FOXK1: variants seen among roughly 807,000 people sequenced by gnomAD.
FOXK1 encodes the protein forkhead box protein K1.
In FOXK1, 19 loss-of-function variants were observed where a neutral mutation model predicts 51.9. The observed-to-expected ratio is 0.37, with a 90% CI of 0.26 to 0.54. The LOEUF is 0.54. FOXK1 is among the 20% of genes least tolerant of loss of function. The pLI, the probability that FOXK1 is intolerant of heterozygous loss-of-function variation, is 0.87. For missense variants in FOXK1, 870 were observed against 1,032.7 expected (o/e 0.84, Z 2.16); for synonymous variants, 537 against 482.6 (o/e 1.11, Z -1.48).
intron 1 of FOXK1, among the ~76,000 whole-genome samples, chr7:4,726,493 G>A (rs756423726): frequency 2.0e-5 from 3 of 152,158 alleles, no homozygotes; most frequent in South Asian, 2.1e-4. Flanking sequence ...ACAGTGGCAC[G>A]TGCCTGTAGT....
intron 2 of FOXK1, among the ~76,000 whole-genome samples, chr7:4,751,265 C>T (rs1287520049): frequency 6.7e-6 from 1 of 149,924 alleles, no homozygotes; most frequent in African/African-American, 2.5e-5. Flanking sequence ...ATGATCCACC[C>T]TCCTCGGGTA....
intron 2 of FOXK1, among the ~76,000 whole-genome samples, chr7:4,750,432 G>C (rs762032216): frequency 6.6e-5 from 10 of 151,478 alleles, no homozygotes; most frequent in African/African-American, 2.4e-4. Flanking sequence ...CGTGTATGCC[G>C]TCGTTTTCAG....
intron 1 of FOXK1, among the ~76,000 whole-genome samples, chr7:4,701,656 G>T (rs145382028): frequency 6.6e-6 from 1 of 152,184 alleles, no homozygotes; most frequent in African/African-American, 2.4e-5. Context: ...ACTTTGGGAG[G>T]TCGAGGCGGG....
intron 1 of FOXK1, among the ~76,000 whole-genome samples, chr7:4,710,650 A>G (rs1197831571): frequency 1.3e-5 from 2 of 152,172 alleles, no homozygotes; most frequent in Non-Finnish European, 2.9e-5. Context: ...AGCCGGGTGT[A>G]TGGCCTTCTG....
rs193150303 is a variant in FOXK1 at position 4,740,905 on chromosome 7, G to A, written c.628G>A (p.Ala210Thr). ...CACGTCGCTCTATCACAAAGAAGAG[G>A]CCCCAGCCTCCCCGCTGCGGCCACT... Reference protein sequence around the residue: ...QFTSLYHKEEAPASPLRPLYP... With the variant: ...QFTSLYHKEETPASPLRPLYP... Residue 210 changes from alanine to threonine, a missense_variant, in exon 2 of 9, where the codon GCC becomes ACC. Physicochemically the swap from Ala to Thr is moderately conservative, Grantham distance 58. Around this residue, in one of 3 missense-constraint regions of FOXK1, gnomAD observed 399 missense variants for 475.6 expected, o/e 0.84. Transcript: ENST00000328914. 1.1e-5 allele frequency: 17 copies of A among 1,589,228 alleles called. No individual in the cohort carries two copies. The highest frequency in any genetic ancestry group is 1.5e-5 in the Non-Finnish European group (17 of 1,169,424).
intron 1 of FOXK1, among the ~76,000 whole-genome samples, chr7:4,726,937 C>T (rs1399068758): frequency 1.3e-5 from 2 of 152,070 alleles, no homozygotes; most frequent in Non-Finnish European, 2.9e-5. Flanking sequence ...TAGTTGTCAA[C>T]TACTAATTTT....
At chr7:4,695,143 A>G (rs1779936469) in intron 1 of FOXK1, among the ~76,000 whole-genome samples, 1 of 152,244 alleles carries the variant, frequency 6.6e-6, no homozygotes, top group Non-Finnish European at 1.5e-5. Context: ...GGATGGAGCC[A>G]TTCTGTCTGC....
rs1337113942 is a variant in FOXK1 at position 4,755,946 on chromosome 7, C to T, written c.1050+563C>T. Among the ~76,000 whole-genome samples, 3 of 152,136 alleles carry T rather than the reference C, an allele frequency of 2.0e-5. No individual in the cohort carries two copies. Among genetic ancestry groups the T allele is most frequent in the South Asian group, 2.1e-4 (1 of 4,832 alleles). Reference sequence around the variant, plus strand: ...GTGCTTGCTGTGCCTCACAATCCCACGTTAAGTTGGAAAAATGTACCATAT... The same window carrying T: ...GTGCTTGCTGTGCCTCACAATCCCATGTTAAGTTGGAAAAATGTACCATAT... On this transcript the variant is annotated intron_variant, in intron 4 of 8. Transcript: ENST00000328914. This position sits in a 1 kb window ranked among gnomAD's most constrained non-coding sequence, Gnocchi z 6.6.
At chr7:4,751,734 G>C (rs918813219) in intron 2 of FOXK1, among the ~76,000 whole-genome samples, 9 of 152,248 alleles carry the variant, frequency 5.9e-5, no homozygotes, top group Admixed American at 5.9e-4. Context: ...CCTCAGCCCA[G>C]GTGGCTGGAA....
Position 4,731,278 on chromosome 7 carries a change from CT to C in FOXK1, c.561-9559del, listed in dbSNP as rs913112113. Among the ~76,000 whole-genome samples, 8 of 152,222 alleles carry C rather than the reference CT, an allele frequency of 5.3e-5. No homozygotes were observed. Among genetic ancestry groups the C allele is most frequent in the African/African-American group, 1.9e-4 (8 of 41,450 alleles). On this transcript the variant is annotated intron_variant, in intron 1 of 8. Coordinates refer to ENST00000328914, the MANE Select transcript of FOXK1 (RefSeq NM_001037165.2). The surrounding 1 kb of genome is among the most constrained non-coding windows in gnomAD (Gnocchi z 5.3). ...CTGGGCCCTGCGGGACGTTTTCCCC[CT>C]GCCTCAGAGCCAAACCACTTAACAG... is the stretch of plus-strand genomic sequence containing the variant.
In FOXK1 at chr7:4,748,136, ACTAT is replaced by A. The variant is rs71643574; in HGVS notation, c.747-6310_747-6307del. On this transcript the variant is annotated intron_variant, in intron 2 of 8. Coordinates refer to ENST00000328914, the MANE Select transcript of FOXK1 (RefSeq NM_001037165.2). The surrounding 1 kb of genome is among the most constrained non-coding windows in gnomAD (Gnocchi z 4.9). ...TTTTCCTTTTTCAGATTACGAAGAG[ACTAT>A]CTATCTATCTATATGCATCTTACAA... Among the ~76,000 whole-genome samples the A allele has an allele frequency of 0.026, 3,953 of 152,210 alleles. 159 individuals are homozygous for A. The highest frequency in any genetic ancestry group is 0.088 in the African/African-American group (3,650 of 41,498).
At chr7:4,684,672 C>G (rs929298304) in intron 1 of FOXK1, among the ~76,000 whole-genome samples, 12 of 152,284 alleles carry the variant, frequency 7.9e-5, no homozygotes, top group African/African-American at 1.7e-4. Context: ...CCCAGGCCCC[C>G]CTTAGAGGCC....
At position 4,722,691 on chromosome 7, in the gene FOXK1, G is replaced by A. The variant is rs548554884; in HGVS notation, c.561-18147G>A. 1.5e-4 allele frequency among the ~76,000 whole-genome samples: 23 copies of A among 152,336 alleles called. No homozygotes were observed. The highest frequency in any genetic ancestry group is 4.3e-4 in the African/African-American group (18 of 41,598). On this transcript the variant is annotated intron_variant, in intron 1 of 8. Coordinates refer to ENST00000328914, the MANE Select transcript of FOXK1 (RefSeq NM_001037165.2). The surrounding 1 kb of genome is among the most constrained non-coding windows in gnomAD (Gnocchi z 5.1). The stretch of plus-strand genomic sequence containing the variant: ...TTTCCTTGGGTGAAACGAGGAAGTC[G>A]TAGGAGACCCACCTCAGATGCTCGG...
intron 1 of FOXK1, among the ~76,000 whole-genome samples, chr7:4,688,781 C>A (rs1026233020): frequency 6.6e-6 from 1 of 152,112 alleles, no homozygotes; most frequent in Non-Finnish European, 1.5e-5. Context: ...GTCCCTCCCC[C>A]TTGTCATTCC....
rs1465547607 is a variant in FOXK1 at position 4,771,329 on chromosome 7, T to G, written c.*8865T>G. 6.6e-6 allele frequency: 1 copy of G among 152,668 alleles called. No individual in the cohort carries two copies. Among genetic ancestry groups the G allele is most frequent in the African/African-American group, 2.4e-5 (1 of 41,446 alleles). The allele number at this position is 152,668 out of a possible 1,614,324, so 9.5% of individuals were successfully genotyped here. A position where few individuals can be genotyped will look rare whatever the true frequency, so the allele number is the denominator to read the frequency against. ...AAATTTCTACTTTTTGTTTTTCATTTATTTTAACTGTTCTTTTATCTATTA... is the reference window on the plus strand; with the variant it reads ...AAATTTCTACTTTTTGTTTTTCATTGATTTTAACTGTTCTTTTATCTATTA... On this transcript the variant is annotated 3_prime_UTR_variant, in exon 9 of 9. Transcript: ENST00000328914.
At chr7:4,685,052 G>A (rs913930796) in intron 1 of FOXK1, among the ~76,000 whole-genome samples, 7 of 151,886 alleles carry the variant, frequency 4.6e-5, no homozygotes, top group African/African-American at 1.5e-4. Flanking sequence ...TTAGATGTGC[G>A]TGAAGTGCTT....
intron 1 of FOXK1, among the ~76,000 whole-genome samples, chr7:4,737,597 T>G (rs1233513463): frequency 6.6e-6 from 1 of 151,902 alleles, no homozygotes; most frequent in African/African-American, 2.4e-5. Context: ...GATACAGACA[T>G]GGACACTGTG....
At position 4,755,266 on chromosome 7, in the gene FOXK1, G is replaced by T. The variant is rs191900938; in HGVS notation, c.933G>T (p.Ala311=). 6.2e-7 allele frequency: 1 copy of T among 1,614,000 alleles called. No individual in the cohort carries two copies. Among genetic ancestry groups the T allele is most frequent in the Non-Finnish European group, 8.5e-7 (1 of 1,180,026 alleles). Residue 311 remains alanine (A), a synonymous_variant, in exon 4 of 9, where the codon GCG becomes GCT. Coordinates refer to ENST00000328914, the MANE Select transcript of FOXK1 (RefSeq NM_001037165.2). The surrounding 1 kb of genome is among the most constrained non-coding windows in gnomAD (Gnocchi z 6.6). ...KDESKPPFSY[A]QLIVQAISSA... is the part of the protein sequence containing the mutation. Reference sequence around the variant, plus strand: ...AGTCAAAGCCGCCGTTCTCCTACGCGCAGCTGATCGTGCAGGCCATCTCCT... The same window carrying T: ...AGTCAAAGCCGCCGTTCTCCTACGCTCAGCTGATCGTGCAGGCCATCTCCT...
Position 4,682,647 on chromosome 7 carries a change from G to A in FOXK1, c.339G>A (p.Glu113=). ...CGCTGGCGCGGCTGGAGGGCCGCGA[G>A]TTCGAGTTCCTCATGCGCCAGCCCA... ...GPALARLEGR[E]FEFLMRQPSV... The change falls in exon 1 of 9, where the codon GAG becomes GAA. Residue 113 remains glutamate, a synonymous_variant. Transcript: ENST00000328914. This position sits in a 1 kb window ranked among gnomAD's most constrained non-coding sequence, Gnocchi z 7.6. The A allele has an allele frequency of 6.4e-7, 1 of 1,561,568 alleles. No homozygotes were observed. Among genetic ancestry groups the A allele is most frequent in the Non-Finnish European group, 8.6e-7 (1 of 1,161,830 alleles).
Sources: gnomAD v4.1 joint callset for allele counts (sites outside exome capture counted in the v4.1 genomes callset) on GRCh38, gnomAD v4.1.1 for gene constraint, gnomAD v4.1.1 regional missense constraint, Gnocchi (gnomAD v3.1) non-coding constraint, MANE v1.5 for transcripts, NCBI Gene and HGNC (gene_info 2026-07-23, HGNC 2026-07-21) for gene names.